The following CTNNA3 variants were observed in gnomAD, a reference collection of about 807,000 sequenced individuals.
CTNNA3 encodes catenin alpha 3, also known as catenin alpha-3.
CTNNA3 carries 76 observed loss-of-function variants against 95.7 expected under a neutral mutation model. That is an observed-to-expected ratio of 0.79 (90% CI 0.66 to 0.96). CTNNA3 has a LOEUF of 0.96. Among genes scored for constraint, CTNNA3 ranks in the 40% least tolerant of loss-of-function variants. The pLI, the probability that CTNNA3 is intolerant of heterozygous loss-of-function variation, is 0.00. For missense variants in CTNNA3, 1,191 were observed against 1,089.8 expected, an observed-to-expected ratio of 1.09 and a Z score of -1.31; for synonymous variants, 431 against 374.4, an observed-to-expected ratio of 1.15 and a Z score of -1.74.
chr10:67,101,386 T>C (rs1858329450), intron 7 of CTNNA3, among the ~76,000 whole-genome samples: 1 of 151,792 alleles, frequency 6.6e-6, no homozygotes, highest in African/African-American at 2.4e-5. Flanking sequence ...TTTTTTTCTT[T>C]TGGCAAGATT....
chr10:67,227,980 T>A (rs1294993054), intron 5 of CTNNA3, among the ~76,000 whole-genome samples: 1 of 152,032 alleles, frequency 6.6e-6, no homozygotes, highest in Non-Finnish European at 1.5e-5. Context: ...GATGGAAATT[T>A]AAAAATTCTT....
rs183587080 is a variant in CTNNA3 at position 66,999,720 on chromosome 10, T to C, written c.1047+180597A>G. Among the ~76,000 whole-genome samples the C allele has an allele frequency of 3.9e-5, 6 of 152,318 alleles. No individual in the cohort carries two copies. In the East Asian group the frequency reaches 1.2e-3, roughly 29 times the overall value. The stretch of plus-strand genomic sequence containing the variant: ...GAATAATGTACATTTCATAAGTCTT[T>C]AAGCAAAAAACAATTGGCAATTTTA... On this transcript the variant is annotated intron_variant, in intron 7 of 17. Transcript: ENST00000433211.
chr10:66,898,234 C>T (rs1188559571), intron 7 of CTNNA3, among the ~76,000 whole-genome samples: 1 of 152,136 alleles, frequency 6.6e-6, no homozygotes, highest in Admixed American at 6.6e-5. Context: ...GAGAGAGTAG[C>T]TTGCATTATT....
intron 1 of CTNNA3, among the ~76,000 whole-genome samples, chr10:67,710,207 C>A (rs1589577774): frequency 6.6e-6 from 1 of 152,116 alleles, no homozygotes; most frequent in East Asian, 1.9e-4. Context: ...CAGCCCCACC[C>A]AGACTGGCAT....
At chr10:66,599,394 T>C (rs1418466440) in intron 10 of CTNNA3, among the ~76,000 whole-genome samples, 1 of 152,078 alleles carries the variant, frequency 6.6e-6, no homozygotes, top group Admixed American at 6.6e-5. Context: ...CCATGAATTA[T>C]TTCTGGAATG....
At chr10:67,187,975 GA>G (rs1862937520) in intron 6 of CTNNA3, among the ~76,000 whole-genome samples, 1 of 152,090 alleles carries the variant, frequency 6.6e-6, no homozygotes, top group African/African-American at 2.4e-5. Flanking sequence ...GTCTCTTAAA[GA>G]GCCTACTCTG....
At chr10:66,190,630 A>C (rs951452611) in intron 13 of CTNNA3, among the ~76,000 whole-genome samples, 9 of 152,102 alleles carry the variant, frequency 5.9e-5, no homozygotes, top group Non-Finnish European at 1.0e-4. Context: ...GTGAGTTTGA[A>C]TCTGTTCTGT....
intron 15 of CTNNA3, among the ~76,000 whole-genome samples, chr10:66,066,770 A>G (rs2080321161): frequency 6.6e-6 from 1 of 152,188 alleles, no homozygotes; most frequent in Admixed American, 6.6e-5. Flanking sequence ...TTATATTGTA[A>G]AGAGTAAGTT....
chr10:65,967,252 G>A (rs1354808152), intron 16 of CTNNA3, among the ~76,000 whole-genome samples: 1 of 151,788 alleles, frequency 6.6e-6, no homozygotes, highest in Non-Finnish European at 1.5e-5. Flanking sequence ...CACCACACCT[G>A]GCCAAGAAAC....
intron 11 of CTNNA3, among the ~76,000 whole-genome samples, chr10:66,456,167 T>C (rs1221052699): frequency 1.3e-5 from 2 of 152,140 alleles, no homozygotes; most frequent in African/African-American, 4.8e-5. Flanking sequence ...CAGAACTTTA[T>C]AGATATAGAT....
chr10:67,472,387 AAG>A (rs1847860517), intron 5 of CTNNA3, among the ~76,000 whole-genome samples: 1 of 152,244 alleles, frequency 6.6e-6, no homozygotes, highest in African/African-American at 2.4e-5. Flanking sequence ...CTGGTAAAAC[AAG>A]AGACAGTGAA....
intron 7 of CTNNA3, among the ~76,000 whole-genome samples, chr10:67,091,817 A>G (rs1208206127): frequency 6.6e-6 from 1 of 152,056 alleles, no homozygotes; most frequent in African/African-American, 2.4e-5. Flanking sequence ...ACTTAATCTA[A>G]TAAGTATTCC....
chr10:67,515,685 T>G (rs1839789588), intron 5 of CTNNA3, among the ~76,000 whole-genome samples: 1 of 152,192 alleles, frequency 6.6e-6, no homozygotes, highest in Non-Finnish European at 1.5e-5. Context: ...ATAGCAGTCC[T>G]TGGTTCACTT....
intron 7 of CTNNA3, among the ~76,000 whole-genome samples, chr10:67,152,441 C>A (rs1861124849): frequency 6.6e-6 from 1 of 152,162 alleles, no homozygotes; most frequent in Non-Finnish European, 1.5e-5. Flanking sequence ...GAAAAGCATA[C>A]ATTACGTTTA....
intron 9 of CTNNA3, among the ~76,000 whole-genome samples, chr10:66,636,960 C>T (rs537604914): frequency 3.2e-4 from 49 of 152,152 alleles, no homozygotes; most frequent in East Asian, 1.2e-3. Flanking sequence ...AAGGAGATAA[C>T]GCAGTGAAGC....
intron 1 of CTNNA3, among the ~76,000 whole-genome samples, chr10:67,724,075 G>GCA: frequency 6.6e-6 from 1 of 152,106 alleles, no homozygotes; most frequent in Non-Finnish European, 1.5e-5. Context: ...GCTCAGCAGT[G>GCA]ACCCTGATAA....
At chr10:67,507,056 GA>G (rs1424872485) in intron 5 of CTNNA3, among the ~76,000 whole-genome samples, 2 of 152,102 alleles carry the variant, frequency 1.3e-5, no homozygotes, top group Non-Finnish European at 2.9e-5. Flanking sequence ...AGAAATAAAA[GA>G]GGAAACATTA....
At chr10:67,092,304 A>G (rs554376011) in intron 7 of CTNNA3, among the ~76,000 whole-genome samples, 1 of 152,132 alleles carries the variant, frequency 6.6e-6, no homozygotes, top group African/African-American at 2.4e-5. Context: ...CTCAATGAGT[A>G]GAGATATTTA....
At chr10:66,898,910 A>T (rs546733455) in intron 7 of CTNNA3, among the ~76,000 whole-genome samples, 1 of 152,338 alleles carries the variant, frequency 6.6e-6, no homozygotes, top group African/African-American at 2.4e-5. Flanking sequence ...GAAAACAATA[A>T]ACAGAATGAA....
Sources: gnomAD v4.1 joint callset for allele counts (sites outside exome capture counted in the v4.1 genomes callset) on GRCh38, gnomAD v4.1.1 for gene constraint, MANE v1.5 for transcripts, NCBI Gene and HGNC (gene_info 2026-07-23, HGNC 2026-07-21) for gene names.